Variants in NAPA observed in about 807,000 individuals in gnomAD.
NAPA encodes alpha-soluble NSF attachment protein.
In NAPA, 18 loss-of-function variants were observed where a neutral mutation model predicts 48.0. That is an observed-to-expected ratio of 0.38 (90% confidence interval 0.26 to 0.56). The LOEUF is 0.56. Ranked by LOEUF, NAPA falls within the 20% of genes least tolerant of loss-of-function variation. NAPA has a pLI of 0.77. For missense variants in NAPA, 315 were observed against 385.0 expected (o/e 0.82, Z 1.52); for synonymous variants, 152 against 149.9 (o/e 1.01, Z -0.10).
At position 47,493,058 on chromosome 19, in the gene NAPA, G is replaced by C; in HGVS notation, c.477-13C>G. The C allele has an allele frequency of 6.2e-7, 1 of 1,614,136 alleles. No individual in the cohort carries two copies. The highest frequency in any genetic ancestry group is 8.5e-7 in the Non-Finnish European group (1 of 1,180,000). On this transcript the variant is annotated splice_polypyrimidine_tract_variant and intron_variant, in intron 6 of 10. Transcript: ENST00000263354. This position sits in a 1 kb window ranked among gnomAD's most constrained non-coding sequence, Gnocchi z 6.4. ...CTTGTTGGCTGAGCTGTGTGGGGAGGAGTAGTGAGGGGAAGTGGTGGCGGT... is the reference window on the plus strand; with the variant it reads ...CTTGTTGGCTGAGCTGTGTGGGGAGCAGTAGTGAGGGGAAGTGGTGGCGGT...
chr19:47,485,591 C>T (rs115940530), downstream of NAPA, among the ~76,000 whole-genome samples: 492 of 152,314 alleles, frequency 3.2e-3, no homozygotes, highest in African/African-American at 0.011. Context: ...ACGGCCTTAT[C>T]GCCTGTACCT....
In NAPA at chr19:47,514,887, C is replaced by G. The variant is rs1266915631; in HGVS notation, c.54G>C (p.Glu18Asp). The change falls in exon 1 of 11, where the codon GAG becomes GAC. Residue 18 changes from glutamate (E) to aspartate (D), a missense_variant. Coordinates refer to ENST00000263354, the MANE Select transcript of NAPA (RefSeq NM_003827.4). ...AGGACTGCGAGTTCTTCACTTTGCGCTCCGCCTCGGCCAACAGCGCCATCG... is the reference window on the plus strand; with the variant it reads ...AGGACTGCGAGTTCTTCACTTTGCGGTCCGCCTCGGCCAACAGCGCCATCG... ...AEAMALLAEA[E>D]RKVKNSQSFF... 1 of 1,614,066 alleles carries G rather than the reference C, an allele frequency of 6.2e-7. No individual in the cohort carries two copies. The highest frequency in any genetic ancestry group is 8.5e-7 in the Non-Finnish European group (1 of 1,180,016).
chr19:47,495,845 G>T (rs1968409500), intron 3 of NAPA: 4 of 526,798 alleles, frequency 7.6e-6, no homozygotes, highest in South Asian at 4.1e-5. Flanking sequence ...TTCTGGGGGA[G>T]CCCTTCTCTC....
At chr19:47,504,123 G>A (rs1968643772) in intron 1 of NAPA, among the ~76,000 whole-genome samples, 1 of 152,084 alleles carries the variant, frequency 6.6e-6, no homozygotes, top group African/African-American at 2.4e-5. Flanking sequence ...GGGTGTGGTG[G>A]TTCATGGCTC....
At chr19:47,486,867 C>G (rs552501226), downstream of NAPA, among the ~76,000 whole-genome samples, 14 of 152,314 alleles carry the variant, frequency 9.2e-5, no homozygotes, top group African/African-American at 2.9e-4. Flanking sequence ...GCTTTCTGGG[C>G]TGGAGCCCCT....
Position 47,490,770 on chromosome 19 carries a change from G to A in NAPA, c.735+18C>T, listed in dbSNP as rs758818914. ...TCTGAGGTTCGGGAAGGGGGAGGCC[G>A]GAGCACCCAGCACTTACTTTCATCA... On this transcript the variant is annotated intron_variant, in intron 9 of 10. Transcript: ENST00000263354. 9.3e-6 allele frequency: 15 copies of A among 1,611,248 alleles called. No individual in the cohort carries two copies. Among genetic ancestry groups the A allele is most frequent in the East Asian group, 2.2e-5 (1 of 44,812 alleles).
rs950319163 is a variant in NAPA at position 47,506,861 on chromosome 19, G to C, written c.99-3359C>G. On this transcript the variant is annotated intron_variant, in intron 1 of 10. Coordinates refer to ENST00000263354, the MANE Select transcript of NAPA (RefSeq NM_003827.4). This position sits in a 1 kb window ranked among gnomAD's most constrained non-coding sequence, Gnocchi z 4.0. ...GCCAGGGGATGACAGGAGATCTCCA[G>C]GGTCCCATCCTCTTCTTTTAGAAAT... 1 of 152,242 alleles carries C rather than the reference G, an allele frequency of 6.6e-6. No individual in the cohort carries two copies. Among genetic ancestry groups the C allele is most frequent in the Non-Finnish European group, 1.5e-5 (1 of 68,054 alleles). The allele number at this position is 152,242 out of a possible 1,614,324, so 9.4% of individuals were successfully genotyped here. A position where few individuals can be genotyped will look rare whatever the true frequency, so the allele number is the denominator to read the frequency against.
At chr19:47,514,372 C>T (rs1199263515) in intron 1 of NAPA, among the ~76,000 whole-genome samples, 1 of 152,134 alleles carries the variant, frequency 6.6e-6, no homozygotes, top group Non-Finnish European at 1.5e-5. Flanking sequence ...GGCAGGCGTC[C>T]TCAGCCCCAG....
chr19:47,504,482 C>A (rs1334092688), intron 1 of NAPA, among the ~76,000 whole-genome samples: 3 of 148,734 alleles, frequency 2.0e-5, no homozygotes, highest in Non-Finnish European at 3.0e-5. Context: ...TATTTCTGGG[C>A]AAATACACAA....
chr19:47,489,621 G>C, intron 10 of NAPA, 90 bp downstream of exon 10: 7 of 1,410,014 alleles, frequency 5.0e-6, no homozygotes, highest in Non-Finnish European at 7.0e-6. Context: ...TGAAATGGGT[G>C]AATGTCATGG....
In NAPA at chr19:47,492,130, G is replaced by A. The variant is rs1426436146; in HGVS notation, c.562-11C>T. 1 of 1,611,042 alleles carries A rather than the reference G, an allele frequency of 6.2e-7. No homozygotes were observed. Among genetic ancestry groups the A allele is most frequent in the Admixed American group, 1.7e-5 (1 of 59,888 alleles). On this transcript the variant is annotated splice_polypyrimidine_tract_variant and intron_variant, in intron 7 of 10. Transcript: ENST00000263354. ...GGCATTGGTCCCCACCTGTAGCCAT[G>A]GAGAAGTGGCACTGGTGAGCTCAGG...
At chr19:47,490,556 G>T (rs903434687) in intron 9 of NAPA, among the ~76,000 whole-genome samples, 13 of 148,120 alleles carry the variant, frequency 8.8e-5, no homozygotes. Flanking sequence ...GGTGTGTGTA[G>T]TGTGTGTGTG....
intron 3 of NAPA, among the ~76,000 whole-genome samples, chr19:47,500,194 T>C (rs951589385): frequency 6.6e-6 from 1 of 152,208 alleles, no homozygotes; most frequent in East Asian, 1.9e-4. Context: ...GGAAGCCAGG[T>C]TGGGCTAATT....
chr19:47,505,969 C>T (rs900500266), intron 1 of NAPA, among the ~76,000 whole-genome samples: 2 of 151,678 alleles, frequency 1.3e-5, no homozygotes, highest in African/African-American at 4.8e-5. Flanking sequence ...GCCCAACACA[C>T]CTTGGGCCTT....
At chr19:47,490,891 A>G in intron 8 of NAPA, 35 bp from the exon 9 acceptor site, 1 of 1,596,710 alleles carries the variant, frequency 6.3e-7, no homozygotes, top group South Asian at 1.1e-5. Flanking sequence ...TGAGTTAGTA[A>G]CAAGAGGGTC....
rs1324106540 is a variant in NAPA at position 47,487,769 on chromosome 19, G to A, written c.*519C>T. 1 of 152,426 alleles carries A rather than the reference G, an allele frequency of 6.6e-6. No individual in the cohort carries two copies. Among genetic ancestry groups the A allele is most frequent in the Non-Finnish European group, 1.5e-5 (1 of 68,260 alleles). 9.4% of individuals were successfully genotyped at this position (152,426 alleles called of 1,614,324 possible). A position where few individuals can be genotyped will look rare whatever the true frequency, so the allele number is the denominator to read the frequency against. On this transcript the variant is annotated 3_prime_UTR_variant, in exon 11 of 11. Coordinates refer to ENST00000263354, the MANE Select transcript of NAPA (RefSeq NM_003827.4). ...AGAATCCCCTAAGCTCCAGGGCCCA[G>A]GGTCTAACCTGAGAGGTCGGGGCTG...
chr19:47,495,561 A>G lies in NAPA; in HGVS notation c.331T>C (p.Tyr111His). The G allele has an allele frequency of 6.2e-7, 1 of 1,613,998 alleles. No homozygotes were observed. ...INCLMRAIEI[Y>H]TDMGRFTIAA... ...CAAGCAGCCCTTACCATGTCTGTGT[A>G]GATCTCGATTGCTCGCATCAAACAG... The change falls in exon 4 of 11, where the codon TAC (tyrosine) becomes CAC (histidine). Residue 111 changes from tyrosine to histidine, a missense_variant. Tyr to His is a moderately conservative substitution (Grantham distance 83). Transcript: ENST00000263354.
intron 3 of NAPA, among the ~76,000 whole-genome samples, chr19:47,500,318 C>A (rs529207127): frequency 2.0e-5 from 3 of 152,210 alleles, no homozygotes; most frequent in African/African-American, 7.2e-5. Context: ...TTTCCTCTCT[C>A]CCCGGCAGGC....
At position 47,493,311 on chromosome 19, in the gene NAPA, GC is replaced by G; in HGVS notation, c.420+104del. ...TCTCCAAGCTCTGCCGGCGCCCCAT[GC>G]CCCCTTCTCGGCACTCAGACACCAG... On this transcript the variant is annotated intron_variant, in intron 5 of 10. Transcript: ENST00000263354. The surrounding 1 kb of genome is among the most constrained non-coding windows in gnomAD (Gnocchi z 6.4). 1 of 1,498,232 alleles carries G rather than the reference GC, an allele frequency of 6.7e-7. No homozygotes were observed. The highest frequency in any genetic ancestry group is 1.2e-5 in the South Asian group (1 of 86,108). The allele number at this position is 1,498,232 out of a possible 1,614,324, so 92.8% of individuals were successfully genotyped here.
Sources: allele counts gnomAD v4.1 joint callset (sites outside exome capture counted in the v4.1 genomes callset), GRCh38; gene constraint gnomAD v4.1.1; non-coding constraint Gnocchi (gnomAD v3.1); transcripts MANE v1.5; gene names NCBI Gene and HGNC (gene_info 2026-07-23, HGNC 2026-07-21).